PKHD1L1: variants seen among roughly 807,000 people sequenced by gnomAD.
PKHD1L1 encodes PKHD1 like 1, also known as fibrocystin-L.
In PKHD1L1, 434 loss-of-function variants were observed where a neutral mutation model predicts 462.9. The ratio of observed to expected loss-of-function variants is 0.94; its 90% CI spans 0.87 to 1.02. PKHD1L1 has a LOEUF of 1.02. Among genes scored for constraint, PKHD1L1 ranks in the 50% least tolerant of loss-of-function variants. PKHD1L1 has a pLI of 0.00. For missense variants in PKHD1L1, 5,202 were observed against 5,096.1 expected (o/e 1.02, Z -0.63); for synonymous variants, 1,781 against 1,750.0 (o/e 1.02, Z -0.44).
chr8:109,528,374 A>C (rs958067187), intron 77 of PKHD1L1, among the ~76,000 whole-genome samples: 1 of 152,206 alleles, frequency 6.6e-6, no homozygotes, highest in African/African-American at 2.4e-5. Context: ...ATTTAAGGTC[A>C]TGTAATGCTA....
At chr8:109,428,559 T>TA (rs151059919) in intron 25 of PKHD1L1, among the ~76,000 whole-genome samples, 1,864 of 152,034 alleles carry the variant, frequency 0.012, 37 homozygotes, top group African/African-American at 0.042. Context: ...GGGGTTATTT[T>TA]AAAAAAAATA....
chr8:109,392,075 C>T (rs1256405111), intron 9 of PKHD1L1, among the ~76,000 whole-genome samples: 1 of 152,140 alleles, frequency 6.6e-6, no homozygotes, highest in East Asian at 1.9e-4. Context: ...TTAGGGATGA[C>T]CTACTTACAT....
chr8:109,417,703 C>A (rs897430006), intron 21 of PKHD1L1, among the ~76,000 whole-genome samples: 1 of 152,122 alleles, frequency 6.6e-6, no homozygotes, highest in Non-Finnish European at 1.5e-5. Flanking sequence ...GCGCGTGCCA[C>A]CCCGCCCAGC....
At chr8:109,387,464 G>C (rs1812498745) in intron 6 of PKHD1L1, among the ~76,000 whole-genome samples, 1 of 152,142 alleles carries the variant, frequency 6.6e-6, no homozygotes, top group African/African-American at 2.4e-5. Flanking sequence ...TTGTCTGCAG[G>C]CTTGGGCAAT....
At position 109,445,089 on chromosome 8, in the gene PKHD1L1, C is replaced by T; in HGVS notation, c.5220C>T (p.Thr1740=). ...CTGCCCAGTGCCAGGGAAACTGCAC[C>T]TTTTCATACTTAGAAAGCATCACTC... ...GVPAQCQGNC[T]FSYLESITPY... The change falls in exon 38 of 78, where the codon ACC becomes ACT. Residue 1740 remains threonine (T), a synonymous_variant. Transcript: ENST00000378402. 1 of 1,613,898 alleles carries T rather than the reference C, an allele frequency of 6.2e-7. No individual in the cohort carries two copies. Among genetic ancestry groups the T allele is most frequent in the Non-Finnish European group, 8.5e-7 (1 of 1,179,862 alleles).
At chr8:109,433,309 A>G (rs1211717546) in intron 28 of PKHD1L1, 93 bp downstream of exon 28, 2 of 1,063,270 alleles carry the variant, frequency 1.9e-6, no homozygotes, top group Admixed American at 2.0e-5. Context: ...GATCGTGTAC[A>G]ATTATCATGA....
chr8:109,494,980 G>A (rs1176160673), intron 63 of PKHD1L1, among the ~76,000 whole-genome samples: 1 of 151,818 alleles, frequency 6.6e-6, no homozygotes, highest in African/African-American at 2.4e-5. Flanking sequence ...AAAAGTCTCA[G>A]TATAGTTACT....
intron 46 of PKHD1L1, among the ~76,000 whole-genome samples, chr8:109,458,578 T>C: frequency 6.6e-6 from 1 of 152,172 alleles, no homozygotes; most frequent in East Asian, 1.9e-4. Flanking sequence ...AACAGAGCTT[T>C]ATGCAGAGTG....
At chr8:109,480,778 C>A in intron 55 of PKHD1L1, 1 of 273,100 alleles carries the variant, frequency 3.7e-6, no homozygotes, top group South Asian at 3.9e-5. Flanking sequence ...GGAATAAAGT[C>A]CAGAAACTTG....
At chr8:109,396,870 C>T (rs1813006927) in intron 11 of PKHD1L1, among the ~76,000 whole-genome samples, 1 of 152,176 alleles carries the variant, frequency 6.6e-6, no homozygotes, top group South Asian at 2.1e-4. Flanking sequence ...GTACTTTCTA[C>T]CTTTTACAGA....
intron 24 of PKHD1L1, 87 bp downstream of exon 24, chr8:109,425,319 A>C (rs1412347319): frequency 2.2e-6 from 2 of 894,406 alleles, no homozygotes; most frequent in African/African-American, 3.5e-5. Flanking sequence ...TAACTTGAGA[A>C]TTACTACTTA....
chr8:109,408,983 G>A (rs1408258107), intron 18 of PKHD1L1, among the ~76,000 whole-genome samples: 1 of 152,154 alleles, frequency 6.6e-6, no homozygotes, highest in East Asian at 1.9e-4. Context: ...TCCATAGGGG[G>A]CAGCCATTCA....
At chr8:109,447,533 G>A (rs1484754572) in intron 38 of PKHD1L1, among the ~76,000 whole-genome samples, 1 of 152,148 alleles carries the variant, frequency 6.6e-6, no homozygotes, top group Non-Finnish European at 1.5e-5. Flanking sequence ...GGAAGCAAGA[G>A]AACAGCCAGA....
At chr8:109,446,431 G>T (rs1489457792) in intron 38 of PKHD1L1, among the ~76,000 whole-genome samples, 1 of 152,120 alleles carries the variant, frequency 6.6e-6, no homozygotes, top group African/African-American at 2.4e-5. Flanking sequence ...ACATTATAAA[G>T]TTAAAGAAGT....
Position 109,441,399 on chromosome 8 carries a change from TATGAA to T in PKHD1L1, c.4204+23_4204+27del. 1 of 1,349,398 alleles carries T rather than the reference TATGAA, an allele frequency of 7.4e-7. No individual in the cohort carries two copies. The highest frequency in any genetic ancestry group is 1.0e-6 in the Non-Finnish European group (1 of 969,838). The allele number at this position is 1,349,398 out of a possible 1,614,324, so 83.6% of individuals were successfully genotyped here. A position where few individuals can be genotyped will look rare whatever the true frequency, so the allele number is the denominator to read the frequency against. Reference sequence around the variant, plus strand: ...ATTCAGGTATCAGCCATTTATATACTATGAAATAATGGAAGCACTGAAACCTGAAA... The same window carrying T: ...ATTCAGGTATCAGCCATTTATATACTATAATGGAAGCACTGAAACCTGAAA... On this transcript the variant is annotated intron_variant, in intron 34 of 77. Coordinates refer to ENST00000378402, the MANE Select transcript of PKHD1L1 (RefSeq NM_177531.6).
At chr8:109,421,601 T>G (rs1426814207) in intron 23 of PKHD1L1, among the ~76,000 whole-genome samples, 3 of 151,792 alleles carry the variant, frequency 2.0e-5, no homozygotes, top group Non-Finnish European at 4.4e-5. Context: ...GCTAACATGG[T>G]GAAACCCCAT....
chr8:109,501,056 G>T (rs1027425692), intron 67 of PKHD1L1, among the ~76,000 whole-genome samples: 4 of 150,766 alleles, frequency 2.7e-5, no homozygotes, highest in African/African-American at 1.0e-4. Context: ...CAGGGATAAT[G>T]GTGAAAACAG....
intron 22 of PKHD1L1, among the ~76,000 whole-genome samples, chr8:109,420,091 G>A (rs1814387194): frequency 6.6e-6 from 1 of 152,132 alleles, no homozygotes; most frequent in Non-Finnish European, 1.5e-5. Context: ...ATTGTGTCAA[G>A]TACTAAGAAA....
intron 59 of PKHD1L1, 123 bp downstream of exon 59, chr8:109,486,944 G>A: frequency 9.6e-7 from 1 of 1,043,830 alleles, no homozygotes; most frequent in East Asian, 2.6e-5. Flanking sequence ...AGCATTAAAA[G>A]TGATTATGTA....
Sources: gnomAD v4.1 joint callset for allele counts (sites outside exome capture counted in the v4.1 genomes callset) on GRCh38, gnomAD v4.1.1 for gene constraint, MANE v1.5 for transcripts, NCBI Gene and HGNC (gene_info 2026-07-23, HGNC 2026-07-21) for gene names.